The following PTBP3 variants were observed in gnomAD, a reference collection of about 807,000 sequenced individuals.
PTBP3 encodes the protein polypyrimidine tract-binding protein 3.
PTBP3 carries 20 observed loss-of-function variants against 58.7 expected under a neutral mutation model. That is an observed-to-expected ratio of 0.34 (90% CI 0.24 to 0.50). The LOEUF is 0.50. PTBP3 is among the 20% of genes least tolerant of loss of function. The probability of loss-of-function intolerance (pLI) is 0.98; values close to 1 mark genes in which losing one functional copy is unlikely to be tolerated. For missense variants in PTBP3, 509 were observed against 637.2 expected (o/e 0.80, Z 2.17); for synonymous variants, 185 against 219.8 (o/e 0.84, Z 1.40).
At position 112,302,934 on chromosome 9, in the gene PTBP3, T is replaced by G. The variant is rs564585211; in HGVS notation, c.-51-5018A>C. Among the ~76,000 whole-genome samples the G allele has an allele frequency of 1.1e-4, 16 of 152,330 alleles. No homozygotes were observed. In the South Asian group the frequency reaches 3.1e-3, roughly 30 times the overall value. On this transcript the variant is annotated intron_variant, in intron 1 of 13. Coordinates refer to ENST00000374257, the MANE Select transcript of PTBP3 (RefSeq NM_001163788.4). ...GCACACATGCCATTTCAGTTTCAATTTGGGGAGAAAAGTAAGTTACTCATG... is the reference window on the plus strand; with the variant it reads ...GCACACATGCCATTTCAGTTTCAATGTGGGGAGAAAAGTAAGTTACTCATG...
chr9:112,253,215 A>T (rs1836203984), intron 5 of PTBP3, among the ~76,000 whole-genome samples: 1 of 152,238 alleles, frequency 6.6e-6, no homozygotes, highest in Non-Finnish European at 1.5e-5. Flanking sequence ...ATTTGGAAAG[A>T]CAGCAGTAAA....
rs897586419 is a variant in PTBP3 at position 112,219,292 on chromosome 9, G to A, written c.*4559C>T. 51 of 152,272 alleles carry A rather than the reference G, an allele frequency of 3.3e-4. No individual in the cohort carries two copies. Among genetic ancestry groups the A allele is most frequent in the African/African-American group, 1.2e-3 (51 of 41,332 alleles). The allele number at this position is 152,272 out of a possible 1,614,324, so 9.4% of individuals were successfully genotyped here. A position where few individuals can be genotyped will look rare whatever the true frequency, so the allele number is the denominator to read the frequency against. ...AAAAGATCTGGGAAACAACAGTAAGGGGGAAAAAAGGCCAGAGTATGATTT... is the reference window on the plus strand; with the variant it reads ...AAAAGATCTGGGAAACAACAGTAAGAGGGAAAAAAGGCCAGAGTATGATTT... On this transcript the variant is annotated 3_prime_UTR_variant, in exon 14 of 14. Coordinates refer to ENST00000374257, the MANE Select transcript of PTBP3 (RefSeq NM_001163788.4).
At chr9:112,251,740 T>C (rs1836126964) in intron 6 of PTBP3, among the ~76,000 whole-genome samples, 1 of 152,104 alleles carries the variant, frequency 6.6e-6, no homozygotes, top group Non-Finnish European at 1.5e-5. Flanking sequence ...TTAACGACTT[T>C]CACAAATGCT....
At chr9:112,295,458 T>A (rs771099860) in intron 2 of PTBP3, among the ~76,000 whole-genome samples, 2 of 150,774 alleles carry the variant, frequency 1.3e-5, no homozygotes, top group Non-Finnish European at 3.0e-5. Context: ...CATGTAGAGA[T>A]GCCCTAAAAG....
chr9:112,324,857 C>T (rs2132461813), intron 1 of PTBP3, among the ~76,000 whole-genome samples: 1 of 152,206 alleles, frequency 6.6e-6, no homozygotes, highest in Admixed American at 6.5e-5. Flanking sequence ...GTCAGTTTGG[C>T]TGACACATGA....
intron 1 of PTBP3, among the ~76,000 whole-genome samples, chr9:112,324,531 T>A: frequency 6.6e-6 from 1 of 152,062 alleles, no homozygotes; most frequent in East Asian, 1.9e-4. Context: ...ACACCTGTAG[T>A]CCCAGTTAGT....
intron 1 of PTBP3, among the ~76,000 whole-genome samples, chr9:112,313,125 GATC>G (rs1272954609): frequency 1.3e-5 from 2 of 152,092 alleles, no homozygotes. Context: ...AAGATAACAT[GATC>G]ATATAAGAAA....
At chr9:112,232,343 A>G (rs1322839752) in intron 8 of PTBP3, 105 bp from the exon 9 acceptor site, 2 of 1,169,712 alleles carry the variant, frequency 1.7e-6, no homozygotes, top group South Asian at 1.6e-5. Flanking sequence ...CAGAAAGAAA[A>G]TGTGTCAAGG....
chr9:112,286,652 A>G (rs1382914371), intron 2 of PTBP3, among the ~76,000 whole-genome samples: 1 of 152,188 alleles, frequency 6.6e-6, no homozygotes, highest in Non-Finnish European at 1.5e-5. Flanking sequence ...AAAATGTATT[A>G]TCTTACTTTA....
intron 7 of PTBP3, 106 bp from the exon 8 acceptor site, chr9:112,235,003 T>G (rs1434937649): frequency 1.1e-6 from 1 of 921,844 alleles, no homozygotes; most frequent in Non-Finnish European, 1.6e-6. Flanking sequence ...AAAGAGATTC[T>G]GTTACGGAGT....
chr9:112,332,929 C>A (rs975180057), intron 1 of PTBP3: 12 of 1,539,798 alleles, frequency 7.8e-6, no homozygotes, highest in Non-Finnish European at 1.1e-5. Flanking sequence ...AGTCCCGCGG[C>A]GGCCCTGGGA....
intron 12 of PTBP3, among the ~76,000 whole-genome samples, chr9:112,227,134 T>C (rs1218612362): frequency 6.6e-6 from 1 of 152,230 alleles, no homozygotes; most frequent in Non-Finnish European, 1.5e-5. Flanking sequence ...GGAATACTTC[T>C]GCCTAGAATT....
rs142459267 is a variant in PTBP3 at position 112,223,951 on chromosome 9, C to T, written c.1475G>A (p.Gly492Glu). ...GGCCTGAATTGCTTCTTCCACAGAT[C>T]CCAATTGAATGAGCGCCATTTTGCG... is the stretch of plus-strand genomic sequence containing the variant. ...KDRKMALIQL[G>E]SVEEAIQALI... is the part of the protein sequence containing the mutation. Residue 492 changes from glycine to glutamate, a missense_variant, in exon 14 of 14, where the codon GGA becomes GAA. By Grantham distance (98) the Gly-to-Glu change is moderately conservative (BLOSUM62 -2). This residue lies in a region of PTBP3 where 135 missense variants were observed against 229.0 expected (regional missense o/e 0.59). Coordinates refer to ENST00000374257, the MANE Select transcript of PTBP3 (RefSeq NM_001163788.4). The T allele has an allele frequency of 1.3e-5, 21 of 1,613,104 alleles. No homozygotes were observed. The Admixed American group carries it at 2.2e-4, about 17-fold the overall frequency.
chr9:112,262,376 CAA>C (rs1836632753), intron 5 of PTBP3, 57 bp downstream of exon 5: 2 of 1,388,032 alleles, frequency 1.4e-6, no homozygotes, highest in Non-Finnish European at 1.9e-6. Flanking sequence ...TATAAAACAT[CAA>C]AAGTTTCAGA....
At position 112,298,054 on chromosome 9, in the gene PTBP3, A is replaced by G. The variant is rs1441277268; in HGVS notation, c.-51-138T>C. The G allele has an allele frequency of 2.4e-5, 15 of 636,706 alleles. No homozygotes were observed. In the East Asian group the frequency reaches 4.2e-4, roughly 18 times the overall value. 39.4% of individuals were successfully genotyped at this position (636,706 alleles called of 1,614,324 possible). ...AAGGGGGAACTCCTCAAGAATCACA[A>G]AATCAAATGAACTGCATAGCAAGAA... On this transcript the variant is annotated intron_variant, in intron 1 of 13. Transcript: ENST00000374257.
At chr9:112,309,458 A>G (rs926933352) in intron 1 of PTBP3, among the ~76,000 whole-genome samples, 8 of 152,174 alleles carry the variant, frequency 5.3e-5, no homozygotes, top group Admixed American at 1.3e-4. Flanking sequence ...AATGTTTCAT[A>G]TATAATCGAT....
intron 3 of PTBP3, among the ~76,000 whole-genome samples, chr9:112,268,419 C>T (rs571990070): frequency 1.3e-4 from 20 of 152,100 alleles, no homozygotes; most frequent in Non-Finnish European, 2.9e-4. Context: ...AGAAGCCAGG[C>T]GTGGTGGTTC....
intron 5 of PTBP3, among the ~76,000 whole-genome samples, chr9:112,262,232 CT>C (rs1372287381): frequency 6.6e-6 from 1 of 151,946 alleles, no homozygotes; most frequent in African/African-American, 2.4e-5. Flanking sequence ...TTTTTACACC[CT>C]TTTTAATTAT....
At chr9:112,362,271 C>A in the PTBP3 span, among the ~76,000 whole-genome samples, 3 of 152,076 alleles carry the variant, frequency 2.0e-5, no homozygotes, top group East Asian at 1.9e-4. Flanking sequence ...CATGGTTGCA[C>A]CTGAGCAACA....
Sources: allele counts gnomAD v4.1 joint callset (sites outside exome capture counted in the v4.1 genomes callset), GRCh38; gene constraint gnomAD v4.1.1; regional missense constraint gnomAD v4.1.1; transcripts MANE v1.5; gene names NCBI Gene and HGNC (gene_info 2026-07-23, HGNC 2026-07-21).